Variants in DNA2 observed in about 807,000 individuals in gnomAD.
DNA2 encodes DNA replication ATP-dependent helicase/nuclease DNA2.
DNA2 carries 101 observed loss-of-function variants against 119.1 expected under a neutral mutation model. The observed-to-expected ratio is 0.85, with a 90% CI of 0.72 to 1.00. The LOEUF (loss-of-function observed/expected upper bound fraction) is 1.00. Among genes scored for constraint, DNA2 ranks in the 50% least tolerant of loss-of-function variants. DNA2 has a pLI of 0.00. For missense variants in DNA2, 1,121 were observed against 1,255.5 expected, an observed-to-expected ratio of 0.89 and a Z score of 1.62; for synonymous variants, 366 against 424.4, an observed-to-expected ratio of 0.86 and a Z score of 1.69.
At position 68,470,609 on chromosome 10, in the gene DNA2, G is replaced by A. The variant is rs931648194; in HGVS notation, c.75-446C>T. 1.5e-5 allele frequency: 7 copies of A among 452,228 alleles called. No individual in the cohort carries two copies. The East Asian group carries it at 4.9e-4, about 32-fold the overall frequency. The allele number at this position is 452,228 out of a possible 1,614,324, so 28.0% of individuals were successfully genotyped here. Reference sequence around the variant, plus strand: ...TTCCTGAGCGACAGAAAAAGACCCCGGTTCTGGCGGAGAAAAAAGAAAGGA... The same window carrying A: ...TTCCTGAGCGACAGAAAAAGACCCCAGTTCTGGCGGAGAAAAAAGAAAGGA... On this transcript the variant is annotated intron_variant, in intron 1 of 20. Coordinates refer to ENST00000358410, the MANE Select transcript of DNA2 (RefSeq NM_001080449.3).
At position 68,446,335 on chromosome 10, in the gene DNA2, G is replaced by C; in HGVS notation, c.1018C>G (p.Gln340Glu). The C allele has an allele frequency of 1.9e-6, 3 of 1,596,792 alleles. No homozygotes were observed. The highest frequency in any genetic ancestry group is 2.6e-6 in the Non-Finnish European group (3 of 1,171,596). The change falls in exon 7 of 21, where the codon CAG becomes GAG. Residue 340 changes from glutamine (Q) to glutamate (E), a missense_variant. Transcript: ENST00000358410. ...AGLLLYLKTG[Q>E]MYPVPANHLD... The stretch of plus-strand genomic sequence containing the variant: ...TGGTTGGCAGGCACAGGGTACATCT[G>C]ACCAGTCTTGAGGTAGAGAAGCAAG...
chr10:68,465,400 G>T (rs886639641), intron 4 of DNA2, among the ~76,000 whole-genome samples: 1 of 151,930 alleles, frequency 6.6e-6, no homozygotes, highest in African/African-American at 2.4e-5. Flanking sequence ...TAGAACTAAT[G>T]CAAAAAAGTT....
rs542410741 is a variant in DNA2 at position 68,469,540 on chromosome 10, A to G, written c.257+441T>C. 1.4e-4 allele frequency among the ~76,000 whole-genome samples: 22 copies of G among 152,192 alleles called. No individual in the cohort carries two copies. The East Asian group carries it at 4.2e-3, about 29-fold the overall frequency. ...TGCAATGGCATGATCTCAGCTCACC[A>G]CAACCTCCACCTCCCAGGTTCAAGC... On this transcript the variant is annotated intron_variant, in intron 2 of 20. Coordinates refer to ENST00000358410, the MANE Select transcript of DNA2 (RefSeq NM_001080449.3).
chr10:68,436,959 T>C, intron 10 of DNA2, 52 bp downstream of exon 10: 1 of 1,374,644 alleles, frequency 7.3e-7, no homozygotes, highest in Non-Finnish European at 1.0e-6. Flanking sequence ...ACTACACAGA[T>C]GTGAATTATA....
chr10:68,444,966 G>C lies in DNA2; in HGVS notation c.1175C>G (p.Thr392Ser), dbSNP rs1365020435. The C allele has an allele frequency of 6.2e-7, 1 of 1,613,424 alleles. No homozygotes were observed. The highest frequency in any genetic ancestry group is 1.3e-5 in the African/African-American group (1 of 74,862). ...GCCAATTTGTGAACAATATTTACAA[G>C]TTTTCTCTTCCTCAATTATTTGTGG... The part of the protein sequence containing the change: ...SLPQIIEEEK[T>S]CKYCSQIGNC... Residue 392 changes from threonine to serine, a missense_variant, in exon 8 of 21, where the codon ACT becomes AGT. Transcript: ENST00000358410.
Position 68,446,279 on chromosome 10 carries a change from A to G in DNA2, c.1057+17T>C. The G allele has an allele frequency of 6.7e-7, 1 of 1,481,912 alleles. No homozygotes were observed. Among genetic ancestry groups the G allele is most frequent in the African/African-American group, 1.4e-5 (1 of 71,520 alleles). 91.8% of individuals were successfully genotyped at this position (1,481,912 alleles called of 1,614,324 possible). On this transcript the variant is annotated intron_variant, in intron 7 of 20. Transcript: ENST00000358410. ...GGGGTGGGCAAAGAAGTAAAACTAA[A>G]AAAAAAACGGCTCAACCTCTTTTAT...
chr10:68,467,014 G>A (rs906887385), intron 3 of DNA2, among the ~76,000 whole-genome samples: 1 of 152,220 alleles, frequency 6.6e-6, no homozygotes, highest in African/African-American at 2.4e-5. Flanking sequence ...GGGTGACACA[G>A]TGAGACTCAA....
intron 4 of DNA2, among the ~76,000 whole-genome samples, chr10:68,464,555 C>T (rs1331441055): frequency 6.6e-6 from 1 of 151,890 alleles, no homozygotes; most frequent in South Asian, 2.1e-4. Flanking sequence ...TAAGGTAGGC[C>T]GGGCGCAGTG....
intron 14 of DNA2, chr10:68,424,601 C>T: frequency 7.4e-7 from 1 of 1,351,922 alleles, no homozygotes; most frequent in African/African-American, 1.4e-5. Context: ...GCAGCAAAAA[C>T]CGCAAACGTC....
At chr10:68,415,263 G>A (rs1408929232) in intron 20 of DNA2, among the ~76,000 whole-genome samples, 156 bp from the exon 21 acceptor site, 2 of 151,000 alleles carry the variant, frequency 1.3e-5, no homozygotes, top group East Asian at 3.9e-4. Context: ...TTAAGCAACA[G>A]GAGTTATTTA....
intron 14 of DNA2, among the ~76,000 whole-genome samples, chr10:68,423,279 T>A (rs1050300656): frequency 4.2e-5 from 6 of 143,054 alleles, no homozygotes; most frequent in African/African-American, 1.6e-4. Flanking sequence ...TCCCTAGGCA[T>A]TATATATAAA....
chr10:68,428,248 G>A (rs1353039633), intron 14 of DNA2, among the ~76,000 whole-genome samples: 1 of 151,342 alleles, frequency 6.6e-6, no homozygotes, highest in Admixed American at 6.6e-5. Flanking sequence ...AATGGCATGA[G>A]CTGGAAGGCG....
At chr10:68,458,980 A>G (rs893052616) in intron 5 of DNA2, 124 bp downstream of exon 5, 32 of 855,384 alleles carry the variant, frequency 3.7e-5, no homozygotes, top group Middle Eastern at 7.7e-4. Context: ...ATAATTTATA[A>G]AATAAGCAAG....
chr10:68,456,051 A>G (rs1441290932), intron 5 of DNA2, among the ~76,000 whole-genome samples: 2 of 151,652 alleles, frequency 1.3e-5, no homozygotes, highest in East Asian at 2.0e-4. Context: ...GCAAAACACC[A>G]TCTCTACAAA....
intron 4 of DNA2, among the ~76,000 whole-genome samples, chr10:68,460,146 A>AC (rs758655649): frequency 4.6e-5 from 7 of 151,468 alleles, no homozygotes; most frequent in Non-Finnish European, 8.8e-5. Flanking sequence ...TCACGCTGTC[A>AC]CCCAGGCTGG....
chr10:68,451,203 C>A (rs1002497286), intron 5 of DNA2, among the ~76,000 whole-genome samples: 2 of 151,898 alleles, frequency 1.3e-5, no homozygotes, highest in African/African-American at 4.8e-5. Flanking sequence ...ATCTTCAAAG[C>A]TTCAAAGGAG....
At chr10:68,462,606 G>A (rs958999042) in intron 4 of DNA2, among the ~76,000 whole-genome samples, 5 of 151,968 alleles carry the variant, frequency 3.3e-5, no homozygotes, top group African/African-American at 4.8e-5. Context: ...TTTAAGCTCC[G>A]CAATCTTAAT....
At chr10:68,421,528 C>A (rs141006301) in intron 17 of DNA2, among the ~76,000 whole-genome samples, 6 of 151,810 alleles carry the variant, frequency 4.0e-5, no homozygotes, top group Non-Finnish European at 5.9e-5. Context: ...CTGAAGCAGG[C>A]GGATCATTTG....
chr10:68,471,451 G>A (rs924839855), intron 1 of DNA2, among the ~76,000 whole-genome samples: 5 of 152,186 alleles, frequency 3.3e-5, no homozygotes, highest in Non-Finnish European at 5.9e-5. Context: ...CCAAGGATAA[G>A]TTAATCCAAC....
Sources: allele counts gnomAD v4.1 joint callset (sites outside exome capture counted in the v4.1 genomes callset), GRCh38; gene constraint gnomAD v4.1.1; transcripts MANE v1.5; gene names NCBI Gene and HGNC (gene_info 2026-07-23, HGNC 2026-07-21).